Variants in PRUNE2 observed in about 807,000 individuals in gnomAD.
The protein encoded by PRUNE2 is prune homolog 2 with BCH domain.
PRUNE2 carries 164 observed loss-of-function variants against 252.0 expected under a neutral mutation model. That is an observed-to-expected ratio of 0.65 (90% CI 0.57 to 0.74). PRUNE2 has a LOEUF of 0.74. Among genes scored for constraint, PRUNE2 ranks in the 30% least tolerant of loss-of-function variants. The pLI is 0.00. For synonymous variants in PRUNE2, 1,292 were observed against 1,350.2 expected (o/e 0.96, Z 0.94); for missense variants, 3,495 against 3,711.0 (o/e 0.94, Z 1.51).
chr9:76,859,565 A>G (rs1363062441), intron 1 of PRUNE2, among the ~76,000 whole-genome samples: 1 of 152,096 alleles, frequency 6.6e-6, no homozygotes, highest in Non-Finnish European at 1.5e-5. Flanking sequence ...AGAAAAACCA[A>G]TGCACCGAGA....
intron 6 of PRUNE2, among the ~76,000 whole-genome samples, chr9:76,799,045 G>T (rs1046770689): frequency 1.3e-5 from 2 of 151,944 alleles, no homozygotes; most frequent in African/African-American, 4.8e-5. Context: ...CAGAATTTAA[G>T]ATCAGTGATT....
chr9:76,891,784 G>T (rs1422527498), intron 1 of PRUNE2, among the ~76,000 whole-genome samples: 1 of 152,184 alleles, frequency 6.6e-6, no homozygotes, highest in Non-Finnish European at 1.5e-5. Flanking sequence ...AGAAGACAGA[G>T]AATCTACGCC....
intron 6 of PRUNE2, among the ~76,000 whole-genome samples, chr9:76,780,503 C>A (rs2054262116): frequency 6.6e-6 from 1 of 151,978 alleles, no homozygotes; most frequent in South Asian, 2.1e-4. Flanking sequence ...CTGGCTAACA[C>A]AGTGAAACCC....
chr9:76,618,621 C>A (rs1306320764), intron 18 of PRUNE2, among the ~76,000 whole-genome samples: 1 of 152,196 alleles, frequency 6.6e-6, no homozygotes, highest in Non-Finnish European at 1.5e-5. Context: ...AGCATTAAGA[C>A]CACCTCTTTC....
Position 76,708,889 on chromosome 9 carries a change from T to C in PRUNE2, c.3385A>G (p.Ile1129Val). 6.2e-7 allele frequency: 1 copy of C among 1,613,998 alleles called. No individual in the cohort carries two copies. The highest frequency in any genetic ancestry group is 8.5e-7 in the Non-Finnish European group (1 of 1,179,894). Residue 1129 changes from isoleucine to valine, a missense_variant, in exon 8 of 19, where the codon ATC (isoleucine) becomes GTC (valine). Physicochemically the swap from Ile to Val is conservative, Grantham distance 29. Coordinates refer to ENST00000376718, the MANE Select transcript of PRUNE2 (RefSeq NM_015225.3). ...ILEDTQSTAT[I>V]SDMDNDLDWD... Reference sequence around the variant, plus strand: ...TCCAAATCATTGTCCATATCTGAGATCGTTGCAGTGGACTGAGTATCCTCC... The same window carrying C: ...TCCAAATCATTGTCCATATCTGAGACCGTTGCAGTGGACTGAGTATCCTCC...
rs1236416850 is a variant in PRUNE2, at chr9:76,613,889, G to C, written c.*681C>G. 6.6e-6 allele frequency: 1 copy of C among 151,792 alleles called. No individual in the cohort carries two copies. Among genetic ancestry groups the C allele is most frequent in the Non-Finnish European group, 1.5e-5 (1 of 68,024 alleles). The allele number at this position is 151,792 out of a possible 1,614,324, so 9.4% of individuals were successfully genotyped here. ...CACGGATTCTTAAATTTCACAATGT[G>C]GTGGTCACCAACATTCATCAGGAAA... On this transcript the variant is annotated 3_prime_UTR_variant, in exon 19 of 19. Coordinates refer to ENST00000376718, the MANE Select transcript of PRUNE2 (RefSeq NM_015225.3).
At chr9:76,871,467 G>T (rs1006156326) in intron 1 of PRUNE2, among the ~76,000 whole-genome samples, 1 of 152,218 alleles carries the variant, frequency 6.6e-6, no homozygotes, top group Non-Finnish European at 1.5e-5. Context: ...TGGAAACCAA[G>T]AGATAACTGA....
At chr9:76,904,174 G>A (rs576766391) in intron 1 of PRUNE2, among the ~76,000 whole-genome samples, 2 of 152,056 alleles carry the variant, frequency 1.3e-5, no homozygotes, top group South Asian at 4.2e-4. Context: ...AGCAGTAATT[G>A]TTCTGGCTAA....
chr9:76,632,528 T>G (rs947643720), intron 15 of PRUNE2, among the ~76,000 whole-genome samples: 1 of 152,190 alleles, frequency 6.6e-6, no homozygotes, highest in African/African-American at 2.4e-5. Flanking sequence ...TGGTAAATGA[T>G]AGCCCGTGGC....
rs73653232 is a variant in PRUNE2, at chr9:76,858,801, A to T, written c.37-4593T>A. 7.5e-3 allele frequency among the ~76,000 whole-genome samples: 1,135 copies of T among 151,964 alleles called. 11 individuals are homozygous for T. The highest frequency in any genetic ancestry group is 0.025 in the African/African-American group (1,026 of 41,396). On this transcript the variant is annotated intron_variant, in intron 1 of 18. Transcript: ENST00000376718. ...AGAAAAAAAAAGAAAGTGGCATTTG[A>T]GTAAAGGTCTGTAGGTTAGGTAAGT...
At chr9:76,637,108 A>G (rs935051669) in intron 14 of PRUNE2, among the ~76,000 whole-genome samples, 1 of 152,160 alleles carries the variant, frequency 6.6e-6, no homozygotes, top group African/African-American at 2.4e-5. Flanking sequence ...ATGTAATTTG[A>G]AACTTGTATG....
rs751700350 is a variant in PRUNE2 at position 76,768,577 on chromosome 9, ATATGTATG to A, written c.757-54864_757-54857del. On this transcript the variant is annotated intron_variant, in intron 6 of 18. Coordinates refer to ENST00000376718, the MANE Select transcript of PRUNE2 (RefSeq NM_015225.3). ...TATCTTTGGGTTGATATATATATGT[ATATGTATG>A]TGTGTGTGTGTGTGTGTGTGTGTGT... 7.9e-3 allele frequency among the ~76,000 whole-genome samples: 773 copies of A among 98,128 alleles called. 5 individuals are homozygous for A. The highest frequency in any genetic ancestry group is 0.014 in the South Asian group (31 of 2,202). 64.4% of individuals were successfully genotyped at this position (98,128 alleles called of 152,430 possible).
chr9:76,808,552 A>T (rs929730736), intron 6 of PRUNE2: 2 of 152,262 alleles, frequency 1.3e-5, no homozygotes, highest in African/African-American at 4.8e-5. Flanking sequence ...TGATACTCAA[A>T]CATTATTCTT....
chr9:76,674,795 G>C (rs2042193937), intron 9 of PRUNE2, among the ~76,000 whole-genome samples: 1 of 122,940 alleles, frequency 8.1e-6, no homozygotes, highest in Non-Finnish European at 1.8e-5. Flanking sequence ...ACAAACTTGA[G>C]AAAAACAAGC....
intron 4 of PRUNE2, among the ~76,000 whole-genome samples, chr9:76,845,234 T>C (rs557808918): frequency 6.6e-6 from 1 of 152,214 alleles, no homozygotes; most frequent in Non-Finnish European, 1.5e-5. Flanking sequence ...TGTAGAAAAT[T>C]ATGATAATGA....
intron 6 of PRUNE2, among the ~76,000 whole-genome samples, chr9:76,805,547 A>G (rs376543962): frequency 1.2e-4 from 18 of 152,274 alleles, no homozygotes; most frequent in East Asian, 1.2e-3. Context: ...GTGCGCCATG[A>G]TAGTATCACT....
At chr9:76,766,481 C>T (rs565983726) in intron 6 of PRUNE2, among the ~76,000 whole-genome samples, 2 of 152,178 alleles carry the variant, frequency 1.3e-5, no homozygotes, top group African/African-American at 2.4e-5. Flanking sequence ...TTAGATTCTG[C>T]ATCTGAACCA....
rs956782425 is a variant in PRUNE2, at chr9:76,904,718, A to T, written c.36+1210T>A. 2.6e-5 allele frequency among the ~76,000 whole-genome samples: 4 copies of T among 152,138 alleles called. No homozygotes were observed. The South Asian group carries it at 8.3e-4, about 32-fold the overall frequency. The stretch of plus-strand genomic sequence containing the variant: ...ACTCGGAAATCTCCACAAACGTTCA[A>T]CTCTCTGGGAGGTTTCAGGTAGAAA... On this transcript the variant is annotated intron_variant, in intron 1 of 18. Transcript: ENST00000376718.
intron 6 of PRUNE2, among the ~76,000 whole-genome samples, chr9:76,812,530 T>C (rs1035260517): frequency 2.0e-5 from 3 of 152,190 alleles, no homozygotes; most frequent in African/African-American, 7.2e-5. Context: ...TAAAAAAAAC[T>C]ATGAGCACTT....
Sources: gnomAD v4.1 joint callset for allele counts (sites outside exome capture counted in the v4.1 genomes callset) on GRCh38, gnomAD v4.1.1 for gene constraint, MANE v1.5 for transcripts, NCBI Gene and HGNC (gene_info 2026-07-23, HGNC 2026-07-21) for gene names.